The following BTBD9 variants were observed in gnomAD, a reference collection of about 807,000 sequenced individuals.
BTBD9 encodes BTB/POZ domain-containing protein 9.
In BTBD9, 49 loss-of-function variants were observed where a neutral mutation model predicts 64.3. The observed-to-expected ratio is 0.76, with a 90% CI of 0.61 to 0.97. The LOEUF is 0.97. BTBD9 is among the 50% of genes least tolerant of loss of function. The pLI, the probability that BTBD9 is intolerant of heterozygous loss-of-function variation, is 0.00. For synonymous variants in BTBD9, 260 were observed against 274.7 expected (o/e 0.95, Z 0.53); for missense variants, 598 against 762.1 (o/e 0.78, Z 2.53).
At chr6:38,381,791 C>A (rs1285271593) in intron 6 of BTBD9, among the ~76,000 whole-genome samples, 1 of 152,120 alleles carries the variant, frequency 6.6e-6, no homozygotes, top group Non-Finnish European at 1.5e-5. Context: ...TACACACATA[C>A]ATACACACCT....
At position 38,428,838 on chromosome 6, in the gene BTBD9, G is replaced by A. The variant is rs529369184; in HGVS notation, c.1155-83745C>T. On this transcript the variant is annotated intron_variant, in intron 6 of 10. Transcript: ENST00000481247. ...CGCCATTCTCCTGCCTCAGCCTCCCGAGTAGCTGGGACTACAGGCGCCCAC... is the reference window on the plus strand; with the variant it reads ...CGCCATTCTCCTGCCTCAGCCTCCCAAGTAGCTGGGACTACAGGCGCCCAC... Among the ~76,000 whole-genome samples, 24 of 149,870 alleles carry A rather than the reference G, an allele frequency of 1.6e-4. 1 individual carries two copies. In the South Asian group the frequency reaches 1.7e-3, roughly 11 times the overall value.
intron 6 of BTBD9, among the ~76,000 whole-genome samples, chr6:38,471,305 G>A (rs904932373): frequency 1.3e-5 from 2 of 152,138 alleles, no homozygotes; most frequent in Non-Finnish European, 1.5e-5. Context: ...GCAACTTTGG[G>A]TTTACTAGGT....
At chr6:38,328,809 T>C (rs544843503) in intron 7 of BTBD9, among the ~76,000 whole-genome samples, 1 of 151,520 alleles carries the variant, frequency 6.6e-6, no homozygotes, top group Non-Finnish European at 1.5e-5. Flanking sequence ...TAGCCAGGCG[T>C]GGTGGCGGGT....
At chr6:38,580,704 T>G (rs1395044707) in intron 4 of BTBD9, among the ~76,000 whole-genome samples, 3 of 151,616 alleles carry the variant, frequency 2.0e-5, no homozygotes, top group Admixed American at 6.6e-5. Flanking sequence ...GAGACCAGCA[T>G]GGGCAACATG....
intron 6 of BTBD9, among the ~76,000 whole-genome samples, chr6:38,373,977 A>G (rs1389109700): frequency 6.6e-6 from 1 of 152,020 alleles, no homozygotes; most frequent in Admixed American, 6.6e-5. Flanking sequence ...AGCTTTTTAA[A>G]TATCTACACT....
At chr6:38,537,320 T>C (rs1160895208) in intron 6 of BTBD9, among the ~76,000 whole-genome samples, 1 of 152,228 alleles carries the variant, frequency 6.6e-6, no homozygotes, top group Non-Finnish European at 1.5e-5. Flanking sequence ...ACCACTCCCC[T>C]ATGAAGTGCT....
At chr6:38,610,146 A>G (rs1393949330) in intron 1 of BTBD9, among the ~76,000 whole-genome samples, 2 of 152,248 alleles carry the variant, frequency 1.3e-5, no homozygotes, top group African/African-American at 4.8e-5. Context: ...ACAAATATAA[A>G]GCCATCAAGT....
At chr6:38,253,045 C>T (rs970159373) in intron 9 of BTBD9, among the ~76,000 whole-genome samples, 1 of 152,070 alleles carries the variant, frequency 6.6e-6, no homozygotes, top group Non-Finnish European at 1.5e-5. Context: ...ACCTGGGAGG[C>T]GGAGGTTCCA....
intron 6 of BTBD9, among the ~76,000 whole-genome samples, chr6:38,506,795 G>C (rs1259202198): frequency 6.6e-6 from 1 of 152,136 alleles, no homozygotes; most frequent in African/African-American, 2.4e-5. Context: ...AAATCAGACT[G>C]TATCACTCTG....
At chr6:38,557,072 GCTCACATC>G (rs375374470) in intron 6 of BTBD9, among the ~76,000 whole-genome samples, 3 of 133,614 alleles carry the variant, frequency 2.2e-5, no homozygotes, top group African/African-American at 8.5e-5. Context: ...AGGCACGGTG[GCTCACATC>G]CTCACATCTG....
chr6:38,614,020 C>T (rs1403867013), intron 1 of BTBD9, among the ~76,000 whole-genome samples: 2 of 152,164 alleles, frequency 1.3e-5, no homozygotes, highest in Non-Finnish European at 2.9e-5. Flanking sequence ...GTGAGGAGCC[C>T]TCCTGCTTAT....
chr6:38,583,255 T>C (rs1227893733), intron 4 of BTBD9, among the ~76,000 whole-genome samples: 1 of 152,146 alleles, frequency 6.6e-6, no homozygotes, highest in Non-Finnish European at 1.5e-5. Flanking sequence ...CCCAGCAGTC[T>C]GAGAGGCCGA....
At chr6:38,625,157 T>C (rs1255326717) in intron 1 of BTBD9, among the ~76,000 whole-genome samples, 2 of 152,160 alleles carry the variant, frequency 1.3e-5, no homozygotes, top group African/African-American at 2.4e-5. Context: ...TTTTCAGATG[T>C]GAAGAGAAAA....
At chr6:38,489,048 A>G (rs186739459) in intron 6 of BTBD9, among the ~76,000 whole-genome samples, 2 of 151,980 alleles carry the variant, frequency 1.3e-5, no homozygotes, top group East Asian at 3.9e-4. Flanking sequence ...GGCATGCTTC[A>G]CTATGCTTGG....
At chr6:38,473,654 T>C (rs147972921) in intron 6 of BTBD9, among the ~76,000 whole-genome samples, 1,967 of 152,298 alleles carry the variant, frequency 0.013, 47 homozygotes, top group African/African-American at 0.045. Flanking sequence ...CCCTACCATA[T>C]GACAAAGACA....
intron 10 of BTBD9, chr6:38,179,400 C>G: frequency 2.2e-6 from 1 of 456,544 alleles, no homozygotes; most frequent in South Asian, 1.5e-5. Flanking sequence ...CAATGACTCT[C>G]AGGGTTCCCT....
At chr6:38,624,443 CAGAG>C (rs1778105226) in intron 1 of BTBD9, among the ~76,000 whole-genome samples, 1 of 152,080 alleles carries the variant, frequency 6.6e-6, no homozygotes, top group East Asian at 1.9e-4. Context: ...TTCTTGAAGT[CAGAG>C]AGACCACGAA....
At chr6:38,607,754 TC>T (rs1421055808) in intron 1 of BTBD9, among the ~76,000 whole-genome samples, 1 of 129,162 alleles carries the variant, frequency 7.7e-6, no homozygotes, top group African/African-American at 3.4e-5. Context: ...TCACAAAATA[TC>T]AAGACTCCCA....
In BTBD9 at chr6:38,208,523, C is replaced by T. The variant is rs1270857817; in HGVS notation, c.1563-15926G>A. 5.3e-5 allele frequency among the ~76,000 whole-genome samples: 8 copies of T among 152,118 alleles called. No homozygotes were observed. In the South Asian group the frequency reaches 1.2e-3, roughly 24 times the overall value. On this transcript the variant is annotated intron_variant, in intron 9 of 10. Coordinates refer to ENST00000481247, the MANE Select transcript of BTBD9 (RefSeq NM_001099272.2). Reference sequence around the variant, plus strand: ...TAAGCTGGGCCTGCATGTCTGTCCCCGCTAGGTCCCCAAAGGCAGAGCTAG... The same window carrying T: ...TAAGCTGGGCCTGCATGTCTGTCCCTGCTAGGTCCCCAAAGGCAGAGCTAG...
Sources: gnomAD v4.1 joint callset for allele counts (sites outside exome capture counted in the v4.1 genomes callset) on GRCh38, gnomAD v4.1.1 for gene constraint, MANE v1.5 for transcripts, NCBI Gene and HGNC (gene_info 2026-07-23, HGNC 2026-07-21) for gene names.